Variants in TRHDE observed in about 807,000 individuals in gnomAD.
TRHDE encodes thyrotropin releasing hormone degrading enzyme.
In TRHDE, 72 loss-of-function variants were observed where a neutral mutation model predicts 125.7. The ratio of observed to expected loss-of-function variants is 0.57; its 90% confidence interval spans 0.47 to 0.70. TRHDE has a LOEUF of 0.70. Among genes scored for constraint, TRHDE ranks in the 30% least tolerant of loss-of-function variants. The pLI, the probability that TRHDE is intolerant of heterozygous loss-of-function variation, is 0.00. For missense variants in TRHDE, 1,110 were observed against 1,327.1 expected (o/e 0.84, Z 2.54); for synonymous variants, 509 against 509.1 (o/e 1.00, Z 0.00).
chr12:72,532,799 G>T (rs1486218709), intron 6 of TRHDE, among the ~76,000 whole-genome samples: 1 of 149,264 alleles, frequency 6.7e-6, no homozygotes, highest in Non-Finnish European at 1.5e-5. Flanking sequence ...ATTATTTATT[G>T]TATTATCACA....
At chr12:72,180,324 ATAT>A (rs1441743368) in intron 2 of TRHDE, among the ~76,000 whole-genome samples, 8 of 152,260 alleles carry the variant, frequency 5.3e-5, no homozygotes, top group Non-Finnish European at 1.0e-4. Context: ...CAACATCTTA[ATAT>A]TATAATAAGA....
chr12:72,371,975 C>G (rs952174120), intron 2 of TRHDE, among the ~76,000 whole-genome samples: 3 of 152,186 alleles, frequency 2.0e-5, no homozygotes, highest in African/African-American at 7.2e-5. Flanking sequence ...ACACTGACTT[C>G]CACAATGGTT....
chr12:72,210,157 A>C (rs1877746133), intron 2 of TRHDE, among the ~76,000 whole-genome samples: 1 of 140,238 alleles, frequency 7.1e-6, no homozygotes, highest in Non-Finnish European at 1.5e-5. Context: ...AATGATTTTA[A>C]GTTCTATAAG....
chr12:72,551,685 C>T (rs1241756805), intron 7 of TRHDE, among the ~76,000 whole-genome samples: 2 of 151,984 alleles, frequency 1.3e-5, no homozygotes, highest in Admixed American at 6.6e-5. Context: ...GTCCTGAATA[C>T]ACAGCGGATA....
intron 3 of TRHDE, among the ~76,000 whole-genome samples, chr12:72,462,189 C>G (rs1162649954): frequency 6.6e-6 from 1 of 152,082 alleles, no homozygotes; most frequent in Non-Finnish European, 1.5e-5. Context: ...AGCCTGGTGA[C>G]AACATTGAAG....
At chr12:72,499,717 T>TC in intron 6 of TRHDE, 82 bp downstream of exon 6, 1 of 1,512,360 alleles carries the variant, frequency 6.6e-7, no homozygotes, top group East Asian at 2.3e-5. Flanking sequence ...TATGTATTTT[T>TC]CTTTTTTTCC....
At chr12:72,101,246 A>T (rs1188005929) in intron 1 of TRHDE, among the ~76,000 whole-genome samples, 2 of 152,228 alleles carry the variant, frequency 1.3e-5, no homozygotes, top group Admixed American at 6.5e-5. Context: ...AACAGCCAAT[A>T]AATGTTTACA....
chr12:72,594,789 A>T (rs1871856363), intron 12 of TRHDE, among the ~76,000 whole-genome samples: 1 of 151,984 alleles, frequency 6.6e-6, no homozygotes, highest in African/African-American at 2.4e-5. Context: ...ACTATAAATC[A>T]TGCTGCTATA....
At chr12:72,318,172 G>GGT (rs1017712316) in intron 2 of TRHDE, among the ~76,000 whole-genome samples, 2 of 152,034 alleles carry the variant, frequency 1.3e-5, no homozygotes, top group African/African-American at 4.8e-5. Context: ...ATGGGGGTGT[G>GGT]GTGTGTGTGT....
chr12:72,639,924 C>T (rs1301076948), intron 15 of TRHDE, among the ~76,000 whole-genome samples: 2 of 151,630 alleles, frequency 1.3e-5, no homozygotes, highest in South Asian at 2.1e-4. Context: ...GACAGGGACA[C>T]TTAAGTCTGT....
chr12:72,408,437 T>C (rs1873356406), intron 3 of TRHDE, among the ~76,000 whole-genome samples: 1 of 152,170 alleles, frequency 6.6e-6, no homozygotes, highest in African/African-American at 2.4e-5. Flanking sequence ...TGCAGAAAGG[T>C]ATTTTCATCT....
At chr12:72,175,954 T>C (rs905443250) in intron 2 of TRHDE, among the ~76,000 whole-genome samples, 1 of 152,202 alleles carries the variant, frequency 6.6e-6, no homozygotes, top group Non-Finnish European at 1.5e-5. Context: ...TAGGGGTTTA[T>C]GCCTATGAAA....
At chr12:72,383,255 A>G (rs1367782377) in intron 3 of TRHDE, among the ~76,000 whole-genome samples, 1 of 152,186 alleles carries the variant, frequency 6.6e-6, no homozygotes, top group Non-Finnish European at 1.5e-5. Flanking sequence ...TTGTAGACAT[A>G]TAAAGAATTG....
At chr12:72,366,320 G>C (rs927920118) in intron 2 of TRHDE, among the ~76,000 whole-genome samples, 2 of 152,068 alleles carry the variant, frequency 1.3e-5, no homozygotes, top group African/African-American at 4.8e-5. Context: ...GGAAGTCCCT[G>C]TAAGTAACTT....
intron 2 of TRHDE, among the ~76,000 whole-genome samples, chr12:72,238,403 TA>T (rs1878406348): frequency 7.1e-6 from 1 of 140,734 alleles, no homozygotes; most frequent in Non-Finnish European, 1.5e-5. Flanking sequence ...CTTTTTTTGA[TA>T]AATTATACTT....
Position 72,553,580 on chromosome 12 carries a change from A to T in TRHDE, c.1789-8585A>T, listed in dbSNP as rs536478360. 2.2e-3 allele frequency among the ~76,000 whole-genome samples: 335 copies of T among 152,224 alleles called. 2 individuals are homozygous for T. Among genetic ancestry groups the T allele is most frequent in the African/African-American group, 7.5e-3 (313 of 41,542 alleles). On this transcript the variant is annotated intron_variant, in intron 7 of 18. Coordinates refer to ENST00000261180, the MANE Select transcript of TRHDE (RefSeq NM_013381.3). ...GGGTCTTGTCATCTCAGTAGAGCTC[A>T]GTGAAAGACAGGCTGCTAGACCCCA...
At chr12:72,632,410 G>A (rs745546324) in intron 15 of TRHDE, among the ~76,000 whole-genome samples, 1 of 151,814 alleles carries the variant, frequency 6.6e-6, no homozygotes, top group African/African-American at 2.4e-5. Context: ...AGAGGCAGGC[G>A]ATTATCAGGA....
intron 2 of TRHDE, among the ~76,000 whole-genome samples, chr12:72,346,236 C>A (rs1438435859): frequency 6.6e-6 from 1 of 151,928 alleles, no homozygotes; most frequent in Non-Finnish European, 1.5e-5. Context: ...ATTCTGAGTT[C>A]TTGGGGATCC....
At chr12:72,560,605 C>T (rs979915911) in intron 7 of TRHDE, 8 of 152,128 alleles carry the variant, frequency 5.3e-5, no homozygotes, top group South Asian at 2.1e-4. Flanking sequence ...GAGACTAGCT[C>T]GAGCCCAGGA....
Sources: gnomAD v4.1 joint callset for allele counts (sites outside exome capture counted in the v4.1 genomes callset) on GRCh38, gnomAD v4.1.1 for gene constraint, MANE v1.5 for transcripts, NCBI Gene and HGNC (gene_info 2026-07-23, HGNC 2026-07-21) for gene names.